The following MAPK11 variants were observed in gnomAD, a reference collection of about 807,000 sequenced individuals.
MAPK11 encodes the protein MAP kinase 11.
MAPK11 carries 44 observed loss-of-function variants against 52.2 expected under a neutral mutation model. That is an observed-to-expected ratio of 0.84 (90% confidence interval 0.66 to 1.08). The LOEUF (loss-of-function observed/expected upper bound fraction) is 1.08, where lower values mean the gene tolerates loss of function less well. Among genes scored for constraint, MAPK11 ranks in the 50% least tolerant of loss-of-function variants. The probability of loss-of-function intolerance (pLI) is 0.00; values close to 1 mark genes in which losing one functional copy is unlikely to be tolerated. For synonymous variants in MAPK11, 233 were observed against 206.3 expected, an observed-to-expected ratio of 1.13 and a Z score of -1.11; for missense variants, 436 against 494.7, an observed-to-expected ratio of 0.88 and a Z score of 1.13.
At chr22:50,269,869 G>C (rs1344579514) in intron 1 of MAPK11, among the ~76,000 whole-genome samples, 2 of 152,134 alleles carry the variant, frequency 1.3e-5, no homozygotes, top group East Asian at 3.9e-4. Context: ...AGGGTGGCTC[G>C]GGGCTCGGTC....
rs375894777 is a variant in MAPK11 at position 50,267,960 on chromosome 22, G to A, written c.117-11C>T. The A allele has an allele frequency of 1.8e-5, 27 of 1,540,642 alleles. No individual in the cohort carries two copies. Among genetic ancestry groups the A allele is most frequent in the East Asian group, 5.2e-5 (2 of 38,226 alleles). ...GCGTCGTAGGCCGAACTGGAAGGCG[G>A]GCGAGTGAGGCGGCGCCGGGAGGGG... On this transcript the variant is annotated splice_polypyrimidine_tract_variant and intron_variant, in intron 1 of 11. Coordinates refer to ENST00000330651, the MANE Select transcript of MAPK11 (RefSeq NM_002751.7).
intron 4 of MAPK11, 21 bp downstream of exon 4, chr22:50,267,350 G>T (rs35211572): frequency 4.8e-5 from 51 of 1,056,284 alleles, no homozygotes; most frequent in Non-Finnish European, 6.7e-5. Flanking sequence ...GAGAGGACCC[G>T]CGAAGCCCAG....
At chr22:50,267,764 G>A (rs936778425) in intron 2 of MAPK11, 56 bp downstream of exon 2, 13 of 1,470,166 alleles carry the variant, frequency 8.8e-6, no homozygotes, top group Non-Finnish European at 1.2e-5. Flanking sequence ...CCTATTGGCT[G>A]CGCCGCGGCC....
At position 50,270,218 on chromosome 22, in the gene MAPK11, C is replaced by T. The variant is rs1186694251; in HGVS notation, c.75G>A (p.Gln25=). 4 of 1,507,524 alleles carry T rather than the reference C, an allele frequency of 2.7e-6. No homozygotes were observed. The highest frequency in any genetic ancestry group is 3.5e-6 in the Non-Finnish European group (4 of 1,134,398). The allele number at this position is 1,507,524 out of a possible 1,614,324, so 93.4% of individuals were successfully genotyped here. A position where few individuals can be genotyped will look rare whatever the true frequency, so the allele number is the denominator to read the frequency against. ...KTVWEVPQRL[Q]GLRPVGSGAY... is the part of the protein sequence containing the mutation. ...CGCCGGAGCCCACCGGGCGCAGCCC[C>T]TGCAGCCGCTGCGGCACCTCCCACA... Residue 25 remains glutamine, a synonymous_variant, in exon 1 of 12, where the codon CAG becomes CAA. Coordinates refer to ENST00000330651, the MANE Select transcript of MAPK11 (RefSeq NM_002751.7). This position sits in a 1 kb window ranked among gnomAD's most constrained non-coding sequence, Gnocchi z 6.3.
In MAPK11 at chr22:50,268,687, G is replaced by C. The variant is rs61760592; in HGVS notation, c.117-738C>G. Among the ~76,000 whole-genome samples, 998 of 152,144 alleles carry C rather than the reference G, an allele frequency of 6.6e-3. 4 individuals are homozygous for C. The highest frequency in any genetic ancestry group is 0.022 in the African/African-American group (906 of 41,510). On this transcript the variant is annotated intron_variant, in intron 1 of 11. Transcript: ENST00000330651. Reference sequence around the variant, plus strand: ...CTGCTAAAGGAAAGGCCTTTGCACAGCCTGTTCCCTCTGGCTGATACTTGC... The same window carrying C: ...CTGCTAAAGGAAAGGCCTTTGCACACCCTGTTCCCTCTGGCTGATACTTGC...
At chr22:50,268,252 G>A in intron 1 of MAPK11, among the ~76,000 whole-genome samples, 1 of 152,224 alleles carries the variant, frequency 6.6e-6, no homozygotes, top group Non-Finnish European at 1.5e-5. Flanking sequence ...TCAAAGCAAG[G>A]CTGGGGGAGA....
chr22:50,267,680 G>A, intron 2 of MAPK11, 53 bp from the exon 3 acceptor site: 1 of 1,483,658 alleles, frequency 6.7e-7, no homozygotes, highest in Non-Finnish European at 8.9e-7. Context: ...CTGTCGTTCA[G>A]CTCCCCCCGG....
rs763154245 is a variant in MAPK11 at position 50,267,487 on chromosome 22, G to A, written c.306-5C>T. 2.5e-6 allele frequency: 4 copies of A among 1,600,180 alleles called. No homozygotes were observed. The highest frequency in any genetic ancestry group is 1.7e-5 in the Admixed American group (1 of 58,324). ...ATCAGGGTGGTCACCAAGTACCTGG[G>A]GCGGGGTCAGGGGGTCAGGACAGGG... On this transcript the variant is annotated splice_region_variant and splice_polypyrimidine_tract_variant and intron_variant, in intron 3 of 11. Coordinates refer to ENST00000330651, the MANE Select transcript of MAPK11 (RefSeq NM_002751.7).
chr22:50,270,113 G>T lies in MAPK11; in HGVS notation c.116+64C>A. ...CACGCCGAGAACCTCGCGCGGGCGA[G>T]GAGGGGACGCGCTCTCCGGCCCGGC... is the stretch of plus-strand genomic sequence containing the variant. On this transcript the variant is annotated intron_variant, in intron 1 of 11. Coordinates refer to ENST00000330651, the MANE Select transcript of MAPK11 (RefSeq NM_002751.7). This position sits in a 1 kb window ranked among gnomAD's most constrained non-coding sequence, Gnocchi z 6.3. 1.2e-6 allele frequency: 1 copy of T among 849,776 alleles called. No individual in the cohort carries two copies. Among genetic ancestry groups the T allele is most frequent in the Non-Finnish European group, 1.6e-6 (1 of 619,784 alleles). 52.6% of individuals were successfully genotyped at this position (849,776 alleles called of 1,614,324 possible). A position where few individuals can be genotyped will look rare whatever the true frequency, so the allele number is the denominator to read the frequency against.
In MAPK11 at chr22:50,264,719, G is replaced by T. The variant is rs1360817915; in HGVS notation, c.*229C>A. 6.0e-6 allele frequency: 3 copies of T among 501,510 alleles called. No individual in the cohort carries two copies. The highest frequency in any genetic ancestry group is 5.8e-5 in the African/African-American group (3 of 51,708). The allele number at this position is 501,510 out of a possible 1,614,324, so 31.1% of individuals were successfully genotyped here. On this transcript the variant is annotated 3_prime_UTR_variant, in exon 12 of 12. Coordinates refer to ENST00000330651, the MANE Select transcript of MAPK11 (RefSeq NM_002751.7). Reference sequence around the variant, plus strand: ...AGCCAGAAGAGGACAGGAGGACCAAGGTAGGCCCAGGGACACTTGTGCCCA... The same window carrying T: ...AGCCAGAAGAGGACAGGAGGACCAATGTAGGCCCAGGGACACTTGTGCCCA...
In MAPK11 at chr22:50,270,102, C is replaced by G; in HGVS notation, c.116+75G>C. ...AGGCCCCTCCCCACGCCGAGAACCTCGCGCGGGCGAGGAGGGGACGCGCTC... is the reference window on the plus strand; with the variant it reads ...AGGCCCCTCCCCACGCCGAGAACCTGGCGCGGGCGAGGAGGGGACGCGCTC... On this transcript the variant is annotated intron_variant, in intron 1 of 11. Coordinates refer to ENST00000330651, the MANE Select transcript of MAPK11 (RefSeq NM_002751.7). This position sits in a 1 kb window ranked among gnomAD's most constrained non-coding sequence, Gnocchi z 6.3. 1.4e-6 allele frequency: 1 copy of G among 709,152 alleles called. No individual in the cohort carries two copies. The highest frequency in any genetic ancestry group is 2.0e-6 in the Non-Finnish European group (1 of 510,866). 43.9% of individuals were successfully genotyped at this position (709,152 alleles called of 1,614,324 possible).
intron 10 of MAPK11, 43 bp from the exon 11 acceptor site, chr22:50,265,537 C>T: frequency 6.2e-7 from 1 of 1,612,678 alleles, no homozygotes; most frequent in Non-Finnish European, 8.5e-7. Context: ...AGCTGTACAT[C>T]CAGGGCCAGA....
rs1321816037 is a variant in MAPK11, at chr22:50,267,919, C to T, written c.147G>A (p.Lys49=). 6.3e-7 allele frequency: 1 copy of T among 1,583,162 alleles called. No homozygotes were observed. The highest frequency in any genetic ancestry group is 1.7e-5 in the Admixed American group (1 of 57,420). ...CSAYDARLRQ[K]VAVKKLSRPF... ...GGCGCGACAGCTTCTTCACCGCCAC[C>T]TTCTGGCGCAGCCGGGCGTCGTAGG... Residue 49 remains lysine, a synonymous_variant, in exon 2 of 12, where the codon AAG becomes AAA. Coordinates refer to ENST00000330651, the MANE Select transcript of MAPK11 (RefSeq NM_002751.7).
chr22:50,267,500 G>A lies in MAPK11; in HGVS notation c.306-18C>T. The stretch of plus-strand genomic sequence containing the variant: ...CCAAGTACCTGGGGCGGGGTCAGGG[G>A]GTCAGGACAGGGCCCCACCGCCCCA... On this transcript the variant is annotated intron_variant, in intron 3 of 11. Transcript: ENST00000330651. 1.9e-6 allele frequency: 3 copies of A among 1,589,140 alleles called. No individual in the cohort carries two copies. Among genetic ancestry groups the A allele is most frequent in the South Asian group, 1.1e-5 (1 of 88,376 alleles).
chr22:50,265,423 G>C lies in MAPK11; in HGVS notation c.913C>G (p.His305Asp). The C allele has an allele frequency of 6.2e-7, 1 of 1,613,130 alleles. No homozygotes were observed. Among genetic ancestry groups the C allele is most frequent in the East Asian group, 2.2e-5 (1 of 44,888 alleles). Reference protein sequence around the residue: ...QRVSAAEALAHAYFSQYHDPE... With the variant: ...QRVSAAEALADAYFSQYHDPE... Reference sequence around the variant, plus strand: ...TCGTGGTACTGGCTGAAGTAGGCGTGGGCCAGTGCCTCAGCTGCACTGACC... The same window carrying C: ...TCGTGGTACTGGCTGAAGTAGGCGTCGGCCAGTGCCTCAGCTGCACTGACC... Residue 305 changes from histidine (H) to aspartate (D), a missense_variant, in exon 11 of 12, where the codon CAC (histidine) becomes GAC (aspartate). By Grantham distance (81) the His-to-Asp change is moderately conservative (BLOSUM62 -1). Coordinates refer to ENST00000330651, the MANE Select transcript of MAPK11 (RefSeq NM_002751.7).
In MAPK11 at chr22:50,267,586, G is replaced by C. The variant is rs1323464791; in HGVS notation, c.288C>G (p.Ile96Met). Residue 96 changes from isoleucine (I) to methionine (M), a missense_variant, in exon 3 of 12, where the codon ATC (isoleucine) becomes ATG (methionine). Transcript: ENST00000330651. Reference sequence around the variant, plus strand: ...CCGCTCACACTTCGCTGAAGTCCTCGATGGACGTGGCCGGCGTGAAGACGT... The same window carrying C: ...CCGCTCACACTTCGCTGAAGTCCTCCATGGACGTGGCCGGCGTGAAGACGT... Reference protein sequence around the residue: ...LLDVFTPATSIEDFSEVYLVT... With the variant: ...LLDVFTPATSMEDFSEVYLVT... 3.9e-6 allele frequency: 6 copies of C among 1,546,526 alleles called. No individual in the cohort carries two copies. Among genetic ancestry groups the C allele is most frequent in the Non-Finnish European group, 5.2e-6 (6 of 1,145,812 alleles).
At position 50,266,301 on chromosome 22, in the gene MAPK11, A is replaced by G; in HGVS notation, c.687T>C (p.Ile229=). The G allele has an allele frequency of 6.2e-7, 1 of 1,606,522 alleles. No homozygotes were observed. The highest frequency in any genetic ancestry group is 1.3e-5 in the African/African-American group (1 of 74,842). ...GKALFPGSDY[I]DQLKRIMEVV... ...CTTCCATGATGCGCTTCAGCTGGTCAATGTCTGTGTCACTCAGGAAACACC... is the reference window on the plus strand; with the variant it reads ...CTTCCATGATGCGCTTCAGCTGGTCGATGTCTGTGTCACTCAGGAAACACC... Residue 229 remains isoleucine, a synonymous_variant, in exon 9 of 12, where the codon ATT becomes ATC. Transcript: ENST00000330651.
At chr22:50,267,752 C>A (rs1224701169) in intron 2 of MAPK11, 68 bp downstream of exon 2, 1 of 1,460,258 alleles carries the variant, frequency 6.8e-7, no homozygotes, top group Non-Finnish European at 9.0e-7. Flanking sequence ...AGGGCTCGCC[C>A]GCCTATTGGC....
At chr22:50,267,725 TC>T (rs2065276880) in intron 2 of MAPK11, 94 bp downstream of exon 2, 1 of 1,420,938 alleles carries the variant, frequency 7.0e-7, no homozygotes, top group African/African-American at 1.5e-5. Context: ...GCCCCCTGTG[TC>T]CCCGCCCCCA....
Sources: allele counts gnomAD v4.1 joint callset (sites outside exome capture counted in the v4.1 genomes callset), GRCh38; gene constraint gnomAD v4.1.1; non-coding constraint Gnocchi (gnomAD v3.1); transcripts MANE v1.5; gene names NCBI Gene and HGNC (gene_info 2026-07-23, HGNC 2026-07-21).